Variants in RAB38 observed in about 807,000 individuals in gnomAD.
RAB38 encodes the protein RAB38, member RAS oncogene family.
A neutral mutation model predicts 18.4 loss-of-function variants in RAB38; 15 were observed. The observed-to-expected ratio is 0.82, with a 90% CI of 0.55 to 1.26. RAB38 has a LOEUF of 1.26. RAB38 is among the 50% of genes most tolerant of loss of function. The pLI, the probability that RAB38 is intolerant of heterozygous loss-of-function variation, is 0.00. For synonymous variants in RAB38, 101 were observed against 104.4 expected (o/e 0.97, Z 0.20); for missense variants, 294 against 267.4 (o/e 1.10, Z -0.69).
the RAB38 span, among the ~76,000 whole-genome samples, chr11:88,012,485 T>A: frequency 6.6e-6 from 1 of 152,180 alleles, no homozygotes. Context: ...AAGTTTCTAT[T>A]AAAAAATAGT....
Position 88,113,791 on chromosome 11 carries a change from G to A in RAB38, c.*197C>T, listed in dbSNP as rs1427395048. The A allele has an allele frequency of 3.0e-6, 2 of 662,892 alleles. No homozygotes were observed. The highest frequency in any genetic ancestry group is 4.9e-6 in the Non-Finnish European group (2 of 407,724). The allele number at this position is 662,892 out of a possible 1,614,324, so 41.1% of individuals were successfully genotyped here. On this transcript the variant is annotated 3_prime_UTR_variant, in exon 3 of 3. Transcript: ENST00000243662. The stretch of plus-strand genomic sequence containing the variant: ...ACAGACTAAATATTTTCAAAAGTTT[G>A]TAAACACTGTGATGATGGTGAGGAA...
chr11:87,969,929 T>A, the RAB38 span, among the ~76,000 whole-genome samples: 133 of 151,894 alleles, frequency 8.8e-4, no homozygotes, highest in Middle Eastern at 6.8e-3. Flanking sequence ...AGAGGTAGGG[T>A]TCAGTAAGCA....
At chr11:88,083,470 T>C in the RAB38 span, among the ~76,000 whole-genome samples, 1 of 151,918 alleles carries the variant, frequency 6.6e-6, no homozygotes, top group African/African-American at 2.4e-5. Context: ...TAAAAATCAC[T>C]GGCATTTTAG....
the RAB38 span, among the ~76,000 whole-genome samples, chr11:87,953,161 G>T: frequency 2.2e-4 from 34 of 152,096 alleles, no homozygotes; most frequent in Non-Finnish European, 4.7e-4. Context: ...AGGACTGGAG[G>T]TATAATAATA....
In RAB38 at chr11:88,143,916, T is replaced by C. The variant is rs1037161031; in HGVS notation, c.483+5759A>G. ...ATTGACGTAGGGAACCTCTAGAGAATTGATTAGCTAAAGATAAAATATTGT... is the reference window on the plus strand; with the variant it reads ...ATTGACGTAGGGAACCTCTAGAGAACTGATTAGCTAAAGATAAAATATTGT... On this transcript the variant is annotated intron_variant, in intron 2 of 2. Transcript: ENST00000243662. Among the ~76,000 whole-genome samples, 13 of 152,302 alleles carry C rather than the reference T, an allele frequency of 8.5e-5. No homozygotes were observed. In the East Asian group the frequency reaches 2.5e-3, roughly 29 times the overall value.
intron 2 of RAB38, among the ~76,000 whole-genome samples, chr11:88,138,410 G>A (rs1308823204): frequency 6.6e-6 from 1 of 152,006 alleles, no homozygotes; most frequent in Admixed American, 6.6e-5. Context: ...GGGGAAGTGG[G>A]GTAAGTAGGT....
At chr11:87,903,093 A>C in the RAB38 span, among the ~76,000 whole-genome samples, 4 of 151,314 alleles carry the variant, frequency 2.6e-5, no homozygotes, top group African/African-American at 9.7e-5. Context: ...TACATTAACT[A>C]GAATGTCTAA....
chr11:88,144,552 C>T (rs1942956585), intron 2 of RAB38, among the ~76,000 whole-genome samples: 2 of 152,220 alleles, frequency 1.3e-5, no homozygotes, highest in Admixed American at 6.5e-5. Context: ...CTAATACCAT[C>T]TTATAGAGAA....
At chr11:88,060,134 C>A in the RAB38 span, 1 of 152,140 alleles carries the variant, frequency 6.6e-6, no homozygotes, top group Admixed American at 6.5e-5. Context: ...GAGTGGCCAC[C>A]AACAGGAGAC....
the RAB38 span, among the ~76,000 whole-genome samples, chr11:88,073,137 G>C: frequency 1.3e-5 from 2 of 152,236 alleles, 1 homozygote; most frequent in Non-Finnish European, 2.9e-5. Flanking sequence ...TTCTTGGCAA[G>C]ATACCTTTCA....
chr11:88,028,716 A>G, the RAB38 span, among the ~76,000 whole-genome samples: 1 of 152,240 alleles, frequency 6.6e-6, no homozygotes, highest in Non-Finnish European at 1.5e-5. Context: ...CCTCCAAGAA[A>G]TATGGGACTA....
chr11:88,157,741 C>T (rs185186995), intron 1 of RAB38, among the ~76,000 whole-genome samples: 24 of 152,102 alleles, frequency 1.6e-4, no homozygotes, highest in East Asian at 1.2e-3. Flanking sequence ...GAATGACTTT[C>T]GGATAAACAA....
chr11:88,025,402 C>CG, the RAB38 span, among the ~76,000 whole-genome samples: 8 of 151,996 alleles, frequency 5.3e-5, no homozygotes, highest in Non-Finnish European at 1.2e-4. Context: ...TACCGAGTAA[C>CG]GGGATTGCTA....
intron 2 of RAB38, among the ~76,000 whole-genome samples, chr11:88,144,744 T>C (rs752270503): frequency 1.2e-4 from 19 of 152,296 alleles, no homozygotes; most frequent in Middle Eastern, 3.4e-3. Context: ...ATAAATAGCA[T>C]AGAAAGAACC....
the RAB38 span, among the ~76,000 whole-genome samples, chr11:87,924,210 A>G: frequency 0.32 from 48,813 of 151,888 alleles, 9,953 homozygotes; most frequent in Non-Finnish European, 0.43. Flanking sequence ...TTGGCAAGTA[A>G]TGGAATCTGT....
the RAB38 span, among the ~76,000 whole-genome samples, chr11:88,063,412 A>G: frequency 6.6e-6 from 1 of 152,254 alleles, no homozygotes; most frequent in Admixed American, 6.5e-5. Context: ...TACCATTCCT[A>G]CACTCACTTT....
chr11:87,932,156 G>T, the RAB38 span, among the ~76,000 whole-genome samples: 1 of 151,968 alleles, frequency 6.6e-6, no homozygotes. Flanking sequence ...GAGAACATTA[G>T]GACAAATACC....
At chr11:88,041,305 G>A in the RAB38 span, among the ~76,000 whole-genome samples, 2 of 152,132 alleles carry the variant, frequency 1.3e-5, no homozygotes, top group Non-Finnish European at 2.9e-5. Context: ...AATAGTGAGC[G>A]GAACATGCCA....
chr11:87,899,125 T>C, the RAB38 span, among the ~76,000 whole-genome samples: 1 of 151,702 alleles, frequency 6.6e-6, no homozygotes, highest in Admixed American at 6.6e-5. Flanking sequence ...CAATAAAATG[T>C]CCATTACTGT....
Sources: gnomAD v4.1 joint callset for allele counts (sites outside exome capture counted in the v4.1 genomes callset) on GRCh38, gnomAD v4.1.1 for gene constraint, MANE v1.5 for transcripts, NCBI Gene and HGNC (gene_info 2026-07-23, HGNC 2026-07-21) for gene names.